Variants in WWP1 observed in about 807,000 individuals in gnomAD.
The protein encoded by WWP1 is WW domain containing E3 ubiquitin protein ligase 1.
Under a neutral mutation model 130.6 loss-of-function variants are expected in WWP1, and 49 were observed. The ratio of observed to expected loss-of-function variants is 0.38; its 90% CI spans 0.30 to 0.48. The LOEUF (loss-of-function observed/expected upper bound fraction) is 0.48, where lower values mean the gene tolerates loss of function less well. Ranked by LOEUF, WWP1 falls within the 20% of genes least tolerant of loss-of-function variation. WWP1 has a pLI of 0.99. For synonymous variants in WWP1, 332 were observed against 367.8 expected, an observed-to-expected ratio of 0.90 and a Z score of 1.11; for missense variants, 809 against 1,100.6, an observed-to-expected ratio of 0.74 and a Z score of 3.75.
intron 8 of WWP1, among the ~76,000 whole-genome samples, chr8:86,409,226 C>CTTTTTTTT (rs1230976832): frequency 7.7e-4 from 77 of 100,518 alleles, no homozygotes; most frequent in African/African-American, 1.0e-3. Flanking sequence ...CTTTTTCTTT[C>CTTTTTTTT]TTTTTTTTTT....
intron 8 of WWP1, among the ~76,000 whole-genome samples, chr8:86,407,321 T>A (rs1373516058): frequency 1.3e-5 from 2 of 152,206 alleles, no homozygotes; most frequent in Non-Finnish European, 2.9e-5. Flanking sequence ...ATTTTGCAAC[T>A]ACCATAGGCT....
intron 14 of WWP1, 22 bp from the exon 15 acceptor site, chr8:86,435,430 G>C: frequency 6.2e-7 from 1 of 1,612,324 alleles, no homozygotes; most frequent in Non-Finnish European, 8.5e-7. Flanking sequence ...AGTTAATTTG[G>C]TTTATTTTTG....
chr8:86,381,706 CA>C, intron 5 of WWP1, 77 bp downstream of exon 5: 1 of 1,355,748 alleles, frequency 7.4e-7, no homozygotes, highest in African/African-American at 1.5e-5. Flanking sequence ...ATCCTAAAAG[CA>C]AAAACATAGT....
chr8:86,353,200 AAC>A lies in WWP1; in HGVS notation c.-115+10272_-115+10273del, dbSNP rs755164630. Among the ~76,000 whole-genome samples the A allele has an allele frequency of 8.6e-4, 130 of 151,148 alleles. 1 individual carries two copies. The highest frequency in any genetic ancestry group is 2.8e-3 in the Admixed American group (43 of 15,188). On this transcript the variant is annotated intron_variant, in intron 1 of 24. Coordinates refer to ENST00000517970, the MANE Select transcript of WWP1 (RefSeq NM_007013.4). ...GTTTGAATTTTAAATTAATGAAAGAAACAAAACAAATTTCAAGCTAATCTCTA... is the reference window on the plus strand; with the variant it reads ...GTTTGAATTTTAAATTAATGAAAGAAAAAACAAATTTCAAGCTAATCTCTA...
chr8:86,461,964 A>C, intron 24 of WWP1, 118 bp downstream of exon 24: 2 of 767,668 alleles, frequency 2.6e-6, no homozygotes, highest in South Asian at 3.4e-5. Context: ...TCAGAATTTC[A>C]ATTTTGAGAA....
intron 22 of WWP1, among the ~76,000 whole-genome samples, chr8:86,460,740 A>G (rs1290849611): frequency 6.9e-6 from 1 of 145,238 alleles, no homozygotes; most frequent in African/African-American, 2.5e-5. Flanking sequence ...TACTTAGCAT[A>G]GTGCCCAACC....
chr8:86,460,903 G>A lies in WWP1; in HGVS notation c.2500-321G>A, dbSNP rs552512397. Reference sequence around the variant, plus strand: ...TGGCTCACTACAAGCTCCACCTCCCGGGTTCACGCCATTCTCCTGCCTCAG... The same window carrying A: ...TGGCTCACTACAAGCTCCACCTCCCAGGTTCACGCCATTCTCCTGCCTCAG... On this transcript the variant is annotated intron_variant, in intron 22 of 24. Coordinates refer to ENST00000517970, the MANE Select transcript of WWP1 (RefSeq NM_007013.4). Among the ~76,000 whole-genome samples, 23 of 138,402 alleles carry A rather than the reference G, an allele frequency of 1.7e-4. No homozygotes were observed. In the South Asian group the frequency reaches 3.8e-3, roughly 23 times the overall value. 90.8% of individuals were successfully genotyped at this position (138,402 alleles called of 152,430 possible).
intron 9 of WWP1, 101 bp from the exon 10 acceptor site, chr8:86,425,122 T>C: frequency 2.5e-6 from 2 of 790,370 alleles, no homozygotes; most frequent in Non-Finnish European, 2.0e-6. Context: ...AGTCTTTTAA[T>C]GTAAAGCTTA....
In WWP1 at chr8:86,396,430, G is replaced by A. The variant is rs1046617125; in HGVS notation, c.335-1912G>A. On this transcript the variant is annotated intron_variant, in intron 5 of 24. Transcript: ENST00000517970. ...GTAGTTTTTGTGTGTGTGTGCTTTC[G>A]TATTTCCTTTAGTTTTTCTAGTTGT... Among the ~76,000 whole-genome samples, 5 of 151,716 alleles carry A rather than the reference G, an allele frequency of 3.3e-5. No individual in the cohort carries two copies. The South Asian group carries it at 6.2e-4, about 19-fold the overall frequency.
intron 1 of WWP1, among the ~76,000 whole-genome samples, chr8:86,363,627 C>A (rs939044406): frequency 3.3e-5 from 5 of 151,860 alleles, no homozygotes; most frequent in African/African-American, 1.2e-4. Flanking sequence ...CATGGTGAAA[C>A]CCCGTCTCTA....
chr8:86,429,929 T>C (rs1586439279), intron 11 of WWP1, among the ~76,000 whole-genome samples: 1 of 152,188 alleles, frequency 6.6e-6, no homozygotes, highest in South Asian at 2.1e-4. Flanking sequence ...CTGGGAGCGG[T>C]GGCTTACACC....
intron 1 of WWP1, among the ~76,000 whole-genome samples, chr8:86,362,386 A>G (rs1367139943): frequency 1.3e-5 from 2 of 151,438 alleles, no homozygotes; most frequent in Non-Finnish European, 2.9e-5. Context: ...ATTGAATTGT[A>G]GTCTTATGGT....
At chr8:86,413,031 GT>G (rs1365149441) in intron 9 of WWP1, among the ~76,000 whole-genome samples, 1 of 152,108 alleles carries the variant, frequency 6.6e-6, no homozygotes, top group Non-Finnish European at 1.5e-5. Context: ...GTTTTTCCAT[GT>G]TGGTCAGGCT....
chr8:86,396,420 G>A (rs1027364975), intron 5 of WWP1, among the ~76,000 whole-genome samples: 1 of 151,784 alleles, frequency 6.6e-6, no homozygotes, highest in African/African-American at 2.4e-5. Flanking sequence ...TTTTGTGTGT[G>A]TGTGCTTTCG....
intron 1 of WWP1, among the ~76,000 whole-genome samples, chr8:86,353,977 C>T (rs1823106678): frequency 6.6e-6 from 1 of 152,186 alleles, no homozygotes; most frequent in African/African-American, 2.4e-5. Context: ...GTAATTGTAA[C>T]TTGTTTTAAA....
At chr8:86,377,713 A>G (rs1312023593) in intron 3 of WWP1, among the ~76,000 whole-genome samples, 1 of 152,328 alleles carries the variant, frequency 6.6e-6, no homozygotes, top group East Asian at 1.9e-4. Flanking sequence ...GAAGTGTATT[A>G]TCTTCGATAT....
In WWP1 at chr8:86,390,421, G is replaced by A. The variant is rs555966829; in HGVS notation, c.335-7921G>A. 3.2e-3 allele frequency among the ~76,000 whole-genome samples: 489 copies of A among 152,312 alleles called. 1 individual carries two copies. The highest frequency in any genetic ancestry group is 4.8e-3 in the Non-Finnish European group (329 of 68,012). Reference sequence around the variant, plus strand: ...CTGGGCAAGATTGAGCACTGAGTGAGCGAGACTCCGTCTGCAATCCCGGCA... The same window carrying A: ...CTGGGCAAGATTGAGCACTGAGTGAACGAGACTCCGTCTGCAATCCCGGCA... On this transcript the variant is annotated intron_variant, in intron 5 of 24. Coordinates refer to ENST00000517970, the MANE Select transcript of WWP1 (RefSeq NM_007013.4).
chr8:86,344,998 A>G (rs1214522921), intron 1 of WWP1, among the ~76,000 whole-genome samples: 2 of 152,154 alleles, frequency 1.3e-5, no homozygotes, highest in Non-Finnish European at 2.9e-5. Flanking sequence ...CAGAAGGATT[A>G]GTGGGATAGA....
At chr8:86,446,552 C>T (rs1448093948) in intron 18 of WWP1, among the ~76,000 whole-genome samples, 1 of 151,890 alleles carries the variant, frequency 6.6e-6, no homozygotes, top group Non-Finnish European at 1.5e-5. Flanking sequence ...AGGCTAATAT[C>T]AAGAGGGCAT....
Sources: allele counts gnomAD v4.1 joint callset (sites outside exome capture counted in the v4.1 genomes callset), GRCh38; gene constraint gnomAD v4.1.1; transcripts MANE v1.5; gene names NCBI Gene and HGNC (gene_info 2026-07-23, HGNC 2026-07-21).